ZNF804B: variants seen among roughly 807,000 people sequenced by gnomAD.
The protein encoded by ZNF804B is zinc finger protein 804B.
ZNF804B carries 80 observed loss-of-function variants against 101.4 expected under a neutral mutation model. The observed-to-expected ratio is 0.79, with a 90% CI of 0.66 to 0.95. The LOEUF (loss-of-function observed/expected upper bound fraction) is 0.95. Among genes scored for constraint, ZNF804B ranks in the 40% least tolerant of loss-of-function variants. The pLI is 0.00. For synonymous variants in ZNF804B, 622 were observed against 558.8 expected (o/e 1.11, Z -1.59); for missense variants, 1,673 against 1,561.9 (o/e 1.07, Z -1.20).
intron 1 of ZNF804B, among the ~76,000 whole-genome samples, chr7:89,018,246 T>C (rs1429612016): frequency 1.3e-5 from 2 of 152,106 alleles, no homozygotes; most frequent in Non-Finnish European, 2.9e-5. Flanking sequence ...TGTTATCAAA[T>C]GTTTCTGCAT....
intron 1 of ZNF804B, among the ~76,000 whole-genome samples, chr7:89,204,892 T>C (rs764591322): frequency 1.3e-5 from 2 of 152,156 alleles, no homozygotes; most frequent in African/African-American, 2.4e-5. Flanking sequence ...TATTTGGCAT[T>C]GTGTGGTGAG....
chr7:89,266,878 T>G (rs1584092625), intron 2 of ZNF804B, among the ~76,000 whole-genome samples: 1 of 48,276 alleles, frequency 2.1e-5, no homozygotes, highest in Non-Finnish European at 4.2e-5. Context: ...TGTCTGTGTT[T>G]GTGTGTGTGT....
chr7:89,328,793 C>T (rs1190547819), intron 3 of ZNF804B, among the ~76,000 whole-genome samples: 2 of 151,796 alleles, frequency 1.3e-5, no homozygotes, highest in African/African-American at 4.8e-5. Context: ...CTTAAGGGCA[C>T]AACAGTAAAT....
intron 1 of ZNF804B, among the ~76,000 whole-genome samples, chr7:89,016,158 T>G (rs1788552730): frequency 6.6e-6 from 1 of 152,188 alleles, no homozygotes; most frequent in Non-Finnish European, 1.5e-5. Context: ...TCTGTTCATG[T>G]CCTTTGCCTA....
chr7:88,863,746 A>G (rs1562815926), intron 1 of ZNF804B, among the ~76,000 whole-genome samples: 1 of 152,238 alleles, frequency 6.6e-6, no homozygotes, highest in South Asian at 2.1e-4. Context: ...GAGAATGCCA[A>G]TCACAGGAGG....
intron 2 of ZNF804B, among the ~76,000 whole-genome samples, chr7:89,245,912 G>A (rs965208242): frequency 2.0e-5 from 3 of 152,158 alleles, no homozygotes; most frequent in Non-Finnish European, 4.4e-5. Context: ...CCCAGGGAGA[G>A]GGAGAGCCCT....
chr7:89,002,294 T>C (rs1270991712), intron 1 of ZNF804B, among the ~76,000 whole-genome samples: 2 of 151,816 alleles, frequency 1.3e-5, no homozygotes, highest in African/African-American at 4.8e-5. Context: ...AGAAATAAAA[T>C]ATAGATTTAT....
At chr7:88,867,289 C>G (rs1025500522) in intron 1 of ZNF804B, among the ~76,000 whole-genome samples, 1 of 152,102 alleles carries the variant, frequency 6.6e-6, no homozygotes, top group Non-Finnish European at 1.5e-5. Flanking sequence ...GCTGGAGAAC[C>G]AGGGAAGCCA....
intron 1 of ZNF804B, among the ~76,000 whole-genome samples, chr7:89,008,542 A>G (rs1175969314): frequency 6.6e-6 from 1 of 152,130 alleles, no homozygotes; most frequent in Non-Finnish European, 1.5e-5. Flanking sequence ...TGCTTATAAC[A>G]TTCCCCCAAC....
intron 2 of ZNF804B, among the ~76,000 whole-genome samples, chr7:89,322,216 A>T (rs1790831956): frequency 6.6e-6 from 1 of 152,188 alleles, no homozygotes; most frequent in African/African-American, 2.4e-5. Context: ...GCTTGACATA[A>T]TGATATTTAT....
chr7:89,011,168 C>T (rs1383610454), intron 1 of ZNF804B, among the ~76,000 whole-genome samples: 1 of 152,122 alleles, frequency 6.6e-6, no homozygotes, highest in Non-Finnish European at 1.5e-5. Context: ...AAATGTCAGA[C>T]ACTTATAGAA....
chr7:89,010,046 T>G (rs1291912259), intron 1 of ZNF804B, among the ~76,000 whole-genome samples: 1 of 152,182 alleles, frequency 6.6e-6, no homozygotes, highest in Non-Finnish European at 1.5e-5. Flanking sequence ...TATCTATTAT[T>G]GTATATACAT....
At chr7:89,282,133 G>A (rs940834003) in intron 2 of ZNF804B, among the ~76,000 whole-genome samples, 84 of 150,506 alleles carry the variant, frequency 5.6e-4, no homozygotes, top group South Asian at 2.5e-3. Context: ...CCTGGGAGGC[G>A]GAGCTTGCAG....
chr7:89,331,581 T>G (rs1440723846), intron 3 of ZNF804B, among the ~76,000 whole-genome samples: 1 of 151,730 alleles, frequency 6.6e-6, no homozygotes, highest in African/African-American at 2.4e-5. Context: ...AACTCTGTAA[T>G]TCTAAAATTA....
At chr7:89,099,453 TAAGAAATAG>T (rs1422972408) in intron 1 of ZNF804B, among the ~76,000 whole-genome samples, 1 of 152,130 alleles carries the variant, frequency 6.6e-6, no homozygotes, top group East Asian at 1.9e-4. Context: ...CAGCAGCCAC[TAAGAAATAG>T]ATGCACCTCT....
At chr7:88,765,018 C>T (rs999722906) in intron 1 of ZNF804B, among the ~76,000 whole-genome samples, 17 of 152,118 alleles carry the variant, frequency 1.1e-4, no homozygotes, top group African/African-American at 3.9e-4. Flanking sequence ...TTTCCCCTAA[C>T]TGATTTCAAT....
chr7:89,012,671 A>G (rs2888671), intron 1 of ZNF804B, among the ~76,000 whole-genome samples: 49,590 of 151,946 alleles, frequency 0.33, 10,009 homozygotes, highest in African/African-American at 0.57. Flanking sequence ...GGTCAAAGCC[A>G]TTCAACAAGT....
chr7:88,776,646 TTC>T (rs10592993), intron 1 of ZNF804B, among the ~76,000 whole-genome samples: 8,440 of 150,790 alleles, frequency 0.056, 488 homozygotes, highest in African/African-American at 0.14. Flanking sequence ...GAAGGATTTT[TTC>T]TCTCTTTTCT....
At chr7:88,841,112 T>G (rs75956085) in intron 1 of ZNF804B, among the ~76,000 whole-genome samples, 3,937 of 152,332 alleles carry the variant, frequency 0.026, 130 homozygotes, top group African/African-American at 0.072. Flanking sequence ...GTATAGCACA[T>G]AATTTGGCCT....
Sources: allele counts gnomAD v4.1 joint callset (sites outside exome capture counted in the v4.1 genomes callset), GRCh38; gene constraint gnomAD v4.1.1; transcripts MANE v1.5; gene names NCBI Gene and HGNC (gene_info 2026-07-23, HGNC 2026-07-21).